Variants in PIGN observed in about 807,000 individuals in gnomAD.
PIGN encodes GPI ethanolamine phosphate transferase 1.
Under a neutral mutation model 125.4 loss-of-function variants are expected in PIGN, and 117 were observed. That is an observed-to-expected ratio of 0.93 (90% confidence interval 0.80 to 1.09). The LOEUF (loss-of-function observed/expected upper bound fraction) is 1.09. Ranked by LOEUF, PIGN falls within the 50% of genes least tolerant of loss-of-function variation. The probability of loss-of-function intolerance (pLI) is 0.00; values close to 1 mark genes in which losing one functional copy is unlikely to be tolerated. For missense variants in PIGN, 1,075 were observed against 1,094.9 expected (o/e 0.98, Z 0.26); for synonymous variants, 392 against 377.8 (o/e 1.04, Z -0.44).
chr18:62,144,197 C>T (rs1445914107), intron 10 of PIGN, among the ~76,000 whole-genome samples: 1 of 152,180 alleles, frequency 6.6e-6, no homozygotes, highest in Admixed American at 6.5e-5. Context: ...GTCAATTCAA[C>T]ATGAAATCAA....
rs769061216 is a variant in PIGN at position 62,139,093 on chromosome 18, C to T, written c.1024-18G>A. 1 of 1,475,986 alleles carries T rather than the reference C, an allele frequency of 6.8e-7. No individual in the cohort carries two copies. The highest frequency in any genetic ancestry group is 1.4e-5 in the African/African-American group (1 of 72,496). The allele number at this position is 1,475,986 out of a possible 1,614,324, so 91.4% of individuals were successfully genotyped here. ...AGGATTCCCTGAAAATAACAAACAC[C>T]AGCTTATTGATAGTATTCAGACAGC... On this transcript the variant is annotated intron_variant, in intron 12 of 30. Coordinates refer to ENST00000640252, the MANE Select transcript of PIGN (RefSeq NM_176787.5).
At chr18:62,073,703 C>A (rs907893457) in intron 29 of PIGN, among the ~76,000 whole-genome samples, 1 of 152,160 alleles carries the variant, frequency 6.6e-6, no homozygotes, top group Non-Finnish European at 1.5e-5. Context: ...CTCATCTAAA[C>A]CGAGTGACTA....
chr18:62,167,185 A>AGC (rs1006316788), intron 1 of PIGN, among the ~76,000 whole-genome samples: 11 of 116,168 alleles, frequency 9.5e-5, no homozygotes, highest in African/African-American at 1.7e-4. Flanking sequence ...AGAGAGCAGG[A>AGC]GCGCTCTCTC....
intron 30 of PIGN, chr18:62,069,705 T>C (rs1316053705): frequency 6.6e-6 from 1 of 152,114 alleles, no homozygotes; most frequent in Non-Finnish European, 1.5e-5. Flanking sequence ...GAGAATGGGG[T>C]GTGACTGATT....
intron 30 of PIGN, 63 bp from the exon 31 acceptor site, chr18:62,046,042 C>A (rs891883632): frequency 1.2e-5 from 19 of 1,538,752 alleles, no homozygotes; most frequent in Non-Finnish European, 1.6e-5. Flanking sequence ...TCATGAGATT[C>A]CTCTGAATGG....
chr18:62,094,982 G>A (rs2034116938), intron 23 of PIGN, among the ~76,000 whole-genome samples: 1 of 152,160 alleles, frequency 6.6e-6, no homozygotes, highest in Admixed American at 6.5e-5. Context: ...TTTGAACTAT[G>A]ACAACTAAGT....
chr18:62,076,995 G>C (rs1287251909), intron 28 of PIGN, among the ~76,000 whole-genome samples: 1 of 152,168 alleles, frequency 6.6e-6, no homozygotes, highest in African/African-American at 2.4e-5. Context: ...AATTACTGCA[G>C]AGTTCTTTCT....
chr18:62,111,888 C>T (rs9955716), intron 16 of PIGN, among the ~76,000 whole-genome samples: 88,183 of 151,976 alleles, frequency 0.58, 26,382 homozygotes, highest in East Asian at 0.78. Flanking sequence ...ATCAGATTAA[C>T]GAATAATGAA....
At chr18:62,185,518 T>A (rs1278027149) in intron 1 of PIGN, among the ~76,000 whole-genome samples, 4 of 152,178 alleles carry the variant, frequency 2.6e-5, no homozygotes, top group Non-Finnish European at 4.4e-5. Context: ...TAAAGCCTAC[T>A]CTTAACTGTT....
At chr18:62,059,673 G>A (rs942153711) in intron 30 of PIGN, among the ~76,000 whole-genome samples, 1 of 152,188 alleles carries the variant, frequency 6.6e-6, no homozygotes, top group African/African-American at 2.4e-5. Context: ...TTGTGAACAG[G>A]TAGAGGGTAT....
intron 23 of PIGN, among the ~76,000 whole-genome samples, chr18:62,092,077 C>A (rs898596762): frequency 2.6e-5 from 4 of 151,986 alleles, no homozygotes; most frequent in Admixed American, 2.6e-4. Flanking sequence ...GAAGACTGGG[C>A]AGAAGGAAAG....
At chr18:62,111,208 TATGAGAA>T (rs2034865532) in intron 16 of PIGN, among the ~76,000 whole-genome samples, 1 of 152,132 alleles carries the variant, frequency 6.6e-6, no homozygotes, top group Non-Finnish European at 1.5e-5. Flanking sequence ...CCATCTATAT[TATGAGAA>T]TCATAACCAC....
intron 4 of PIGN, among the ~76,000 whole-genome samples, chr18:62,159,517 T>C (rs2036862757): frequency 6.6e-6 from 1 of 152,244 alleles, no homozygotes; most frequent in Non-Finnish European, 1.5e-5. Flanking sequence ...ACTTTAATTA[T>C]TTCTAGAAAT....
chr18:62,026,218 C>T (rs914497037), intron 23 of PIGN, among the ~76,000 whole-genome samples: 17 of 152,010 alleles, frequency 1.1e-4, no homozygotes, highest in Admixed American at 4.6e-4. Context: ...AATGCTTAGG[C>T]GCTAAGGAAG....
At chr18:62,119,512 G>A (rs1319753302) in intron 14 of PIGN, among the ~76,000 whole-genome samples, 1 of 152,168 alleles carries the variant, frequency 6.6e-6, no homozygotes, top group Non-Finnish European at 1.5e-5. Context: ...CACAACAGAA[G>A]ATAAATCTGG....
At chr18:62,133,634 C>A (rs1374426501) in intron 14 of PIGN, among the ~76,000 whole-genome samples, 1 of 152,156 alleles carries the variant, frequency 6.6e-6, no homozygotes, top group South Asian at 2.1e-4. Context: ...CTGTTATGTC[C>A]TTAATAAAAT....
intron 14 of PIGN, among the ~76,000 whole-genome samples, chr18:62,123,726 GGA>G (rs1297530670): frequency 6.6e-6 from 1 of 152,044 alleles, no homozygotes; most frequent in Non-Finnish European, 1.5e-5. Context: ...AGATATTAAG[GGA>G]GAGTTTGAAT....
intron 22 of PIGN, among the ~76,000 whole-genome samples, chr18:62,099,042 C>T (rs537226369): frequency 6.6e-6 from 1 of 152,010 alleles, no homozygotes; most frequent in Non-Finnish European, 1.5e-5. Context: ...GTAGAGCACA[C>T]CTACACATTA....
At chr18:62,178,119 C>A (rs2037589909) in intron 1 of PIGN, among the ~76,000 whole-genome samples, 1 of 152,064 alleles carries the variant, frequency 6.6e-6, no homozygotes, top group Admixed American at 6.5e-5. Flanking sequence ...ATTTTAAGAA[C>A]AAAGTCCATA....
Sources: allele counts gnomAD v4.1 joint callset (sites outside exome capture counted in the v4.1 genomes callset), GRCh38; gene constraint gnomAD v4.1.1; transcripts MANE v1.5; gene names NCBI Gene and HGNC (gene_info 2026-07-23, HGNC 2026-07-21).